RBBP8: variants seen among roughly 807,000 people sequenced by gnomAD.
The protein encoded by RBBP8 is DNA endonuclease RBBP8.
Under a neutral mutation model 108.3 loss-of-function variants are expected in RBBP8, and 88 were observed. The observed-to-expected ratio is 0.81, with a 90% CI of 0.68 to 0.97. RBBP8 has a LOEUF of 0.97. RBBP8 is among the 50% of genes least tolerant of loss of function. The pLI is 0.00. For missense variants in RBBP8, 1,023 were observed against 1,049.0 expected (o/e 0.98, Z 0.34); for synonymous variants, 332 against 348.2 (o/e 0.95, Z 0.52).
intron 5 of RBBP8, 84 bp from the exon 6 acceptor site, chr18:22,975,069 C>A: frequency 7.0e-7 from 1 of 1,427,948 alleles, no homozygotes; most frequent in Non-Finnish European, 9.5e-7. Flanking sequence ...TTTCTTCATA[C>A]ATGCTGACAT....
chr18:22,995,620 T>A (rs1223566369), intron 12 of RBBP8, among the ~76,000 whole-genome samples: 1 of 152,202 alleles, frequency 6.6e-6, no homozygotes, highest in East Asian at 1.9e-4. Context: ...CTTTGTAGAT[T>A]TGCCTATTCT....
intron 4 of RBBP8, among the ~76,000 whole-genome samples, chr18:22,967,952 T>G (rs890256612): frequency 1.3e-5 from 2 of 152,018 alleles, no homozygotes; most frequent in Non-Finnish European, 2.9e-5. Context: ...CAGCCTGTAA[T>G]TTTTTTTATG....
upstream of RBBP8, among the ~76,000 whole-genome samples, chr18:22,928,567 T>C (rs562502325): frequency 6.6e-6 from 1 of 152,124 alleles, no homozygotes; most frequent in African/African-American, 2.4e-5. Flanking sequence ...CAGTTTCCTG[T>C]TGAAAGAGGG....
intron 3 of RBBP8, among the ~76,000 whole-genome samples, chr18:22,918,447 T>A (rs1000969473): frequency 1.3e-5 from 2 of 152,140 alleles, no homozygotes; most frequent in Non-Finnish European, 2.9e-5. Context: ...TGTAACATAG[T>A]GTGTGTGATA....
intron 4 of RBBP8, among the ~76,000 whole-genome samples, chr18:22,950,433 A>T (rs1305031419): frequency 6.6e-6 from 1 of 152,088 alleles, no homozygotes; most frequent in East Asian, 1.9e-4. Context: ...AAAAAATTTT[A>T]AAAGCTGAGC....
chr18:22,975,354 A>G, intron 6 of RBBP8, 135 bp downstream of exon 6: 2 of 1,339,450 alleles, frequency 1.5e-6, no homozygotes, highest in Non-Finnish European at 2.0e-6. Context: ...GAAAATCACT[A>G]CATTTTTGTG....
intron 10 of RBBP8, among the ~76,000 whole-genome samples, chr18:22,992,343 G>A (rs980023434): frequency 1.4e-4 from 22 of 152,108 alleles, no homozygotes; most frequent in African/African-American, 5.3e-4. Context: ...TTACTGGCGT[G>A]TGCCACCACA....
At chr18:22,983,993 C>A (rs762284924) in intron 7 of RBBP8, among the ~76,000 whole-genome samples, 9 of 152,068 alleles carry the variant, frequency 5.9e-5, no homozygotes, top group Non-Finnish European at 1.3e-4. Context: ...AAGCAGGAGA[C>A]TTGCTTGAAC....
At chr18:22,971,786 C>T (rs1914105673) in intron 5 of RBBP8, among the ~76,000 whole-genome samples, 1 of 151,252 alleles carries the variant, frequency 6.6e-6, no homozygotes, top group Non-Finnish European at 1.5e-5. Context: ...GCTGGGATTA[C>T]AGGCGCCCAC....
chr18:22,965,593 C>T (rs894122648), intron 4 of RBBP8, among the ~76,000 whole-genome samples: 1 of 152,184 alleles, frequency 6.6e-6, no homozygotes, highest in Non-Finnish European at 1.5e-5. Context: ...TACTCCTACT[C>T]CTAACTGAGC....
intron 4 of RBBP8, among the ~76,000 whole-genome samples, chr18:22,963,581 T>C (rs1037950508): frequency 6.6e-6 from 1 of 152,198 alleles, no homozygotes; most frequent in Admixed American, 6.5e-5. Flanking sequence ...CTGCTTCAAT[T>C]TGGACTCTGT....
intron 12 of RBBP8, among the ~76,000 whole-genome samples, chr18:22,994,435 G>A (rs2045816575): frequency 6.7e-6 from 1 of 148,518 alleles, no homozygotes; most frequent in Non-Finnish European, 1.5e-5. Context: ...GATGTCAGGA[G>A]ATCGAGACCA....
chr18:22,975,892 AAAG>A (rs1404487035), intron 6 of RBBP8, among the ~76,000 whole-genome samples: 1 of 152,076 alleles, frequency 6.6e-6, no homozygotes, highest in East Asian at 1.9e-4. Context: ...CACTGTCTCA[AAAG>A]AAGAATATTT....
At position 22,975,165 on chromosome 18, in the gene RBBP8, A is replaced by C; in HGVS notation, c.374A>C (p.Asn125Thr). 6.2e-7 allele frequency: 1 copy of C among 1,612,146 alleles called. No homozygotes were observed. Among genetic ancestry groups the C allele is most frequent in the East Asian group, 2.2e-5 (1 of 44,678 alleles). The change falls in exon 6 of 19, where the codon AAT (asparagine) becomes ACT (threonine). Residue 125 changes from asparagine (N) to threonine (T), a missense_variant. Transcript: ENST00000327155. ...CATTGTTTTTAAGTGAATGAAAGGA[A>C]TACTCTACAGGAAGAAAATAAAAAG... is the stretch of plus-strand genomic sequence containing the variant. ...KLITELMNER[N>T]TLQEENKKLS...
intron 17 of RBBP8, 24 bp downstream of exon 17, chr18:23,016,948 T>A (rs1193869310): frequency 6.9e-7 from 1 of 1,450,648 alleles, no homozygotes. Context: ...TAGATACTAA[T>A]TTTTTTTTAA....
rs1361263076 is a variant in RBBP8 at position 23,008,094 on chromosome 18, G to A, written c.2357+1662G>A. Among the ~76,000 whole-genome samples, 5 of 152,132 alleles carry A rather than the reference G, an allele frequency of 3.3e-5. No homozygotes were observed. The East Asian group carries it at 9.6e-4, about 29-fold the overall frequency. On this transcript the variant is annotated intron_variant, in intron 16 of 18. Transcript: ENST00000327155. ...CCCAAAGTGCTGGGATTACAGGCGT[G>A]AACCACCACGCCTGGCGCTAAGCAT...
intron 18 of RBBP8, among the ~76,000 whole-genome samples, chr18:23,022,655 A>ATAAAATAAAAT (rs1357791078): frequency 1.4e-5 from 1 of 69,862 alleles, no homozygotes; most frequent in Non-Finnish European, 4.1e-5. Flanking sequence ...ATACAATATA[A>ATAAAATAAAAT]AATAAAATAA....
At chr18:22,930,416 G>A (rs1484348773), upstream of RBBP8, among the ~76,000 whole-genome samples, 1 of 152,182 alleles carries the variant, frequency 6.6e-6, no homozygotes, top group Admixed American at 6.5e-5. Flanking sequence ...AGTTTGGGAA[G>A]TACTGTCCTA....
At chr18:22,951,513 CT>C (rs796136980) in intron 4 of RBBP8, among the ~76,000 whole-genome samples, 25 of 152,310 alleles carry the variant, frequency 1.6e-4, no homozygotes, top group African/African-American at 6.0e-4. Flanking sequence ...GTACAACATG[CT>C]TCAGACACCA....
Sources: allele counts gnomAD v4.1 joint callset (sites outside exome capture counted in the v4.1 genomes callset), GRCh38; gene constraint gnomAD v4.1.1; transcripts MANE v1.5; gene names NCBI Gene and HGNC (gene_info 2026-07-23, HGNC 2026-07-21).